The following CCDC178 variants were observed in gnomAD, a reference collection of about 807,000 sequenced individuals.
CCDC178 encodes coiled-coil domain-containing protein 178.
In CCDC178, 126 loss-of-function variants were observed where a neutral mutation model predicts 117.4. The observed-to-expected ratio is 1.07, with a 90% CI of 0.93 to 1.24. The LOEUF (loss-of-function observed/expected upper bound fraction) is 1.24. Ranked by LOEUF, CCDC178 falls within the 50% of genes most tolerant of loss-of-function variation. The pLI is 0.00. For missense variants in CCDC178, 1,030 were observed against 986.9 expected, an observed-to-expected ratio of 1.04 and a Z score of -0.59; for synonymous variants, 283 against 313.4, an observed-to-expected ratio of 0.90 and a Z score of 1.02.
chr18:33,243,821 C>A (rs558580545), intron 15 of CCDC178, among the ~76,000 whole-genome samples: 78 of 151,874 alleles, frequency 5.1e-4, no homozygotes, highest in Middle Eastern at 3.4e-3. Flanking sequence ...TTGAAATACA[C>A]AGTTAAGTGG....
chr18:33,205,194 C>T (rs1048083756), intron 20 of CCDC178, among the ~76,000 whole-genome samples: 1 of 151,940 alleles, frequency 6.6e-6, no homozygotes, highest in Admixed American at 6.6e-5. Flanking sequence ...ATCACAGAAA[C>T]TATTAAAATG....
intron 21 of CCDC178, 32 bp from the exon 22 acceptor site, chr18:32,974,713 G>A: frequency 6.2e-7 from 1 of 1,605,642 alleles, no homozygotes; most frequent in East Asian, 2.2e-5. Flanking sequence ...GAAAACACAA[G>A]TCAGAGGAGG....
intron 20 of CCDC178, among the ~76,000 whole-genome samples, chr18:33,100,019 C>T (rs1021986108): frequency 3.3e-5 from 5 of 151,904 alleles, no homozygotes; most frequent in Admixed American, 6.6e-5. Context: ...TTCAAAAGTA[C>T]GTACTGAGCA....
At chr18:33,141,312 G>T (rs2058201418) in intron 20 of CCDC178, among the ~76,000 whole-genome samples, 1 of 152,138 alleles carries the variant, frequency 6.6e-6, no homozygotes, top group South Asian at 2.1e-4. Context: ...GTTAGTTATT[G>T]CCTTTTTAGC....
At position 33,264,001 on chromosome 18, in the gene CCDC178, G is replaced by C. The variant is rs117298571; in HGVS notation, c.1409+2915C>G. On this transcript the variant is annotated intron_variant, in intron 14 of 22. Coordinates refer to ENST00000383096, the MANE Select transcript of CCDC178 (RefSeq NM_001105528.4). ...GTAGAAGCAAATTACAAAGACTACA[G>C]ACATTTAAATTATTAGGTGCAGATT... 7.2e-5 allele frequency among the ~76,000 whole-genome samples: 11 copies of C among 152,006 alleles called. No homozygotes were observed. In the East Asian group the frequency reaches 2.1e-3, roughly 29 times the overall value.
At chr18:33,044,660 G>GT (rs1341577259) in intron 21 of CCDC178, among the ~76,000 whole-genome samples, 7 of 152,012 alleles carry the variant, frequency 4.6e-5, no homozygotes, top group Non-Finnish European at 8.8e-5. Flanking sequence ...TTTGATCTGG[G>GT]TATATACCCA....
chr18:33,401,244 A>C (rs1361026629), intron 3 of CCDC178, among the ~76,000 whole-genome samples: 1 of 152,236 alleles, frequency 6.6e-6, no homozygotes, highest in Non-Finnish European at 1.5e-5. Context: ...TGATACATGA[A>C]GTTTTTCTAC....
chr18:32,941,433 A>G (rs1156665752), intron 22 of CCDC178, among the ~76,000 whole-genome samples: 2 of 152,126 alleles, frequency 1.3e-5, no homozygotes, highest in South Asian at 2.1e-4. Flanking sequence ...GGAAAACATG[A>G]TCTTTCAGGA....
intron 15 of CCDC178, among the ~76,000 whole-genome samples, chr18:33,241,407 C>T (rs1388261663): frequency 6.8e-6 from 1 of 147,420 alleles, no homozygotes; most frequent in Non-Finnish European, 1.5e-5. Flanking sequence ...ATCAAATTGA[C>T]CCTCTTTGCA....
intron 21 of CCDC178, among the ~76,000 whole-genome samples, chr18:33,020,511 G>T (rs1408274685): frequency 6.6e-6 from 1 of 152,056 alleles, no homozygotes; most frequent in Non-Finnish European, 1.5e-5. Flanking sequence ...ATAAGATAAG[G>T]TTTGTATTTA....
intron 11 of CCDC178, among the ~76,000 whole-genome samples, chr18:33,319,911 G>C (rs1396332380): frequency 1.3e-5 from 2 of 151,966 alleles, no homozygotes; most frequent in African/African-American, 4.8e-5. Context: ...ATTTGTTTGA[G>C]TTCTTTGTAG....
At chr18:32,961,673 G>A (rs902762094) in intron 22 of CCDC178, among the ~76,000 whole-genome samples, 5 of 152,014 alleles carry the variant, frequency 3.3e-5, no homozygotes, top group Non-Finnish European at 7.4e-5. Flanking sequence ...TAAGGAGCAG[G>A]CAGCCTAGAT....
chr18:33,145,176 A>C (rs2058253201), intron 20 of CCDC178, among the ~76,000 whole-genome samples: 1 of 152,206 alleles, frequency 6.6e-6, no homozygotes, highest in Non-Finnish European at 1.5e-5. Context: ...TTCAAGAATT[A>C]GTTTGAATTA....
At chr18:33,366,680 A>G (rs2063212059) in intron 6 of CCDC178, among the ~76,000 whole-genome samples, 1 of 152,054 alleles carries the variant, frequency 6.6e-6, no homozygotes, top group African/African-American at 2.4e-5. Context: ...TGATAATCAC[A>G]GATGACTACA....
chr18:33,207,937 T>TACTTTTTACTAACAGG (rs1465539421), intron 20 of CCDC178, among the ~76,000 whole-genome samples: 1 of 152,050 alleles, frequency 6.6e-6, no homozygotes, highest in African/African-American at 2.4e-5. Flanking sequence ...CTCTATATTC[T>TACTTTTTACTAACAGG]AGTGCTACCC....
At chr18:33,009,377 AT>A (rs1448196602) in intron 21 of CCDC178, among the ~76,000 whole-genome samples, 1 of 152,022 alleles carries the variant, frequency 6.6e-6, no homozygotes, top group African/African-American at 2.4e-5. Context: ...TCTAAATAAT[AT>A]ATCCCTTCAT....
intron 3 of CCDC178, among the ~76,000 whole-genome samples, chr18:33,402,708 G>A (rs2063725223): frequency 6.6e-6 from 1 of 152,182 alleles, no homozygotes; most frequent in Non-Finnish European, 1.5e-5. Flanking sequence ...AACCAGAATA[G>A]TATCCAGATT....
At chr18:33,419,744 C>T (rs1316867497) in intron 2 of CCDC178, among the ~76,000 whole-genome samples, 1 of 152,176 alleles carries the variant, frequency 6.6e-6, no homozygotes. Flanking sequence ...GATATCATCT[C>T]ACACCAGTCA....
chr18:33,171,860 T>C (rs2058604196), intron 20 of CCDC178, among the ~76,000 whole-genome samples: 1 of 152,230 alleles, frequency 6.6e-6, no homozygotes, highest in African/African-American at 2.4e-5. Context: ...GTTTTACTTT[T>C]GGTATTCAAA....
Sources: allele counts gnomAD v4.1 joint callset (sites outside exome capture counted in the v4.1 genomes callset), GRCh38; gene constraint gnomAD v4.1.1; transcripts MANE v1.5; gene names NCBI Gene and HGNC (gene_info 2026-07-23, HGNC 2026-07-21).